FER: variants seen among roughly 807,000 people sequenced by gnomAD.
FER encodes the protein tyrosine-protein kinase Fer.
A neutral mutation model predicts 111.0 loss-of-function variants in FER; 63 were observed. That is an observed-to-expected ratio of 0.57 (90% CI 0.46 to 0.70). FER has a LOEUF of 0.70. Among genes scored for constraint, FER ranks in the 30% least tolerant of loss-of-function variants. The pLI, the probability that FER is intolerant of heterozygous loss-of-function variation, is 0.00. For missense variants in FER, 914 were observed against 954.0 expected, an observed-to-expected ratio of 0.96 and a Z score of 0.55; for synonymous variants, 327 against 313.9, an observed-to-expected ratio of 1.04 and a Z score of -0.44.
chr5:108,858,239 G>A (rs1763185109), intron 5 of FER, among the ~76,000 whole-genome samples: 2 of 152,014 alleles, frequency 1.3e-5, no homozygotes, highest in Non-Finnish European at 2.9e-5. Flanking sequence ...GCTTTCTCTG[G>A]CAGTGAGAAA....
At chr5:108,880,012 C>T (rs1420718124) in intron 8 of FER, among the ~76,000 whole-genome samples, 3 of 151,902 alleles carry the variant, frequency 2.0e-5, no homozygotes, top group African/African-American at 7.3e-5. Flanking sequence ...CTCCTGGCCT[C>T]CCTGTATAAT....
chr5:109,155,170 A>G (rs2126709613), intron 17 of FER, among the ~76,000 whole-genome samples: 1 of 151,968 alleles, frequency 6.6e-6, no homozygotes, highest in Admixed American at 6.6e-5. Context: ...AGTGTATTCC[A>G]TGTGCTCGGG....
At chr5:109,029,588 T>C (rs1462034957) in intron 13 of FER, among the ~76,000 whole-genome samples, 3 of 152,024 alleles carry the variant, frequency 2.0e-5, no homozygotes, top group Admixed American at 6.6e-5. Context: ...TCTTGAAAGA[T>C]GGTTTTACCA....
At chr5:109,039,375 G>A (rs1220705975) in intron 14 of FER, among the ~76,000 whole-genome samples, 1 of 152,104 alleles carries the variant, frequency 6.6e-6, no homozygotes, top group Admixed American at 6.6e-5. Context: ...ATGTTTTACA[G>A]TTTCAATGAG....
intron 17 of FER, among the ~76,000 whole-genome samples, chr5:109,160,791 C>T (rs1300429747): frequency 6.6e-6 from 1 of 152,044 alleles, no homozygotes; most frequent in Non-Finnish European, 1.5e-5. Context: ...TGGGACCAGA[C>T]CAATTGTGTA....
chr5:108,910,728 T>TA (rs1751432987), intron 10 of FER, among the ~76,000 whole-genome samples: 1 of 152,074 alleles, frequency 6.6e-6, no homozygotes, highest in Admixed American at 6.6e-5. Flanking sequence ...AGTGAGAACA[T>TA]ACGGTATTTG....
chr5:108,772,322 A>G lies in FER; in HGVS notation c.-60+4084A>G, dbSNP rs926972435. Among the ~76,000 whole-genome samples, 10 of 149,298 alleles carry G rather than the reference A, an allele frequency of 6.7e-5. 1 individual carries two copies. Among genetic ancestry groups the G allele is most frequent in the Non-Finnish European group, 1.0e-4 (7 of 67,642 alleles). On this transcript the variant is annotated intron_variant, in intron 2 of 19. Transcript: ENST00000281092. ...TGTTATGCCATATATATATGTATGT[A>G]TATATATATACACATATATATGTAT... is the stretch of plus-strand genomic sequence containing the variant.
intron 5 of FER, chr5:108,841,779 A>C (rs952536461): frequency 2.6e-6 from 1 of 391,306 alleles, no homozygotes; most frequent in Non-Finnish European, 5.0e-6. Context: ...TTCTGGACCA[A>C]TGGTGTGCAA....
intron 13 of FER, among the ~76,000 whole-genome samples, chr5:109,003,059 C>T (rs1028545183): frequency 1.2e-4 from 19 of 152,076 alleles, no homozygotes; most frequent in African/African-American, 3.9e-4. Context: ...GTCAGTGTGG[C>T]GATTCCTCAG....
intron 1 of FER, among the ~76,000 whole-genome samples, chr5:108,759,104 T>G (rs1170553223): frequency 6.6e-6 from 1 of 152,226 alleles, no homozygotes; most frequent in Non-Finnish European, 1.5e-5. Flanking sequence ...CAACTTGCAG[T>G]TGACCAGTAT....
intron 3 of FER, among the ~76,000 whole-genome samples, chr5:108,826,244 G>A (rs992811548): frequency 2.0e-5 from 3 of 152,010 alleles, no homozygotes; most frequent in Non-Finnish European, 4.4e-5. Flanking sequence ...TTATTGATTC[G>A]TGTATGTTGA....
At chr5:109,050,198 A>T (rs1040225543) in intron 16 of FER, among the ~76,000 whole-genome samples, 111 of 100,590 alleles carry the variant, frequency 1.1e-3, no homozygotes, top group African/African-American at 3.6e-3. Context: ...GCTATATCCT[A>T]AAAAAAAGAG....
At chr5:108,941,272 C>T (rs1194700949) in intron 10 of FER, among the ~76,000 whole-genome samples, 1 of 152,150 alleles carries the variant, frequency 6.6e-6, no homozygotes, top group Non-Finnish European at 1.5e-5. Flanking sequence ...AGCTCCAACT[C>T]TCCAGCAGCC....
At chr5:109,183,675 C>T (rs558087093) in intron 18 of FER, among the ~76,000 whole-genome samples, 1 of 152,124 alleles carries the variant, frequency 6.6e-6, no homozygotes, top group South Asian at 2.1e-4. Context: ...ACCTCCAGTC[C>T]AAGGAACCTC....
chr5:108,897,214 A>G (rs1749276461), intron 9 of FER, among the ~76,000 whole-genome samples: 1 of 152,120 alleles, frequency 6.6e-6, no homozygotes, highest in Admixed American at 6.6e-5. Context: ...ACATATACAC[A>G]AGCTTTGTGT....
intron 5 of FER, among the ~76,000 whole-genome samples, chr5:108,854,235 C>T (rs991826064): frequency 6.6e-6 from 1 of 152,140 alleles, no homozygotes. Context: ...GAACTCACAA[C>T]CAATGGTGCT....
intron 14 of FER, among the ~76,000 whole-genome samples, chr5:109,040,683 G>T (rs982152818): frequency 2.0e-5 from 3 of 152,134 alleles, no homozygotes; most frequent in Non-Finnish European, 4.4e-5. Flanking sequence ...GAGATGTGGG[G>T]TGATAGTTTC....
intron 9 of FER, among the ~76,000 whole-genome samples, chr5:108,895,732 G>T (rs1173525576): frequency 6.6e-6 from 1 of 152,130 alleles, no homozygotes; most frequent in Non-Finnish European, 1.5e-5. Context: ...AACACTACAG[G>T]TTCTGGGCAT....
chr5:109,003,502 A>T (rs1765089002), intron 13 of FER, among the ~76,000 whole-genome samples: 1 of 152,162 alleles, frequency 6.6e-6, no homozygotes, highest in African/African-American at 2.4e-5. Flanking sequence ...GCAATTGGAG[A>T]TATACCTAAT....
Sources: allele counts gnomAD v4.1 joint callset (sites outside exome capture counted in the v4.1 genomes callset), GRCh38; gene constraint gnomAD v4.1.1; transcripts MANE v1.5; gene names NCBI Gene and HGNC (gene_info 2026-07-23, HGNC 2026-07-21).